Variants in GFI1B observed in about 807,000 individuals in gnomAD.
GFI1B encodes growth factor independent 1B transcriptional repressor.
A neutral mutation model predicts 35.3 loss-of-function variants in GFI1B; 20 were observed. That is an observed-to-expected ratio of 0.57 (90% confidence interval 0.40 to 0.82). GFI1B has a LOEUF of 0.82. GFI1B is among the 40% of genes least tolerant of loss of function. GFI1B has a pLI of 0.00. For missense variants in GFI1B, 430 were observed against 446.3 expected (o/e 0.96, Z 0.33); for synonymous variants, 178 against 177.6 (o/e 1.00, Z -0.02).
At chr9:132,979,096 C>T (rs572172986) in intron 1 of GFI1B, among the ~76,000 whole-genome samples, 1 of 152,174 alleles carries the variant, frequency 6.6e-6, no homozygotes, top group Non-Finnish European at 1.5e-5. Context: ...GGCTGACAGA[C>T]GTCACCTTCG....
At chr9:132,957,398 A>T (rs541299131) in intron 1 of GFI1B, among the ~76,000 whole-genome samples, 1 of 152,366 alleles carries the variant, frequency 6.6e-6, no homozygotes, top group East Asian at 1.9e-4. Flanking sequence ...TATTGTTCTA[A>T]GCACTCTACA....
upstream of GFI1B, among the ~76,000 whole-genome samples, chr9:132,976,184 G>A (rs562830408): frequency 1.0e-3 from 158 of 152,142 alleles, no homozygotes; most frequent in Non-Finnish European, 1.2e-3. Context: ...TGGAGGAAGC[G>A]TTTGGTGAGA....
chr9:132,976,308 G>A (rs890048554), upstream of GFI1B, among the ~76,000 whole-genome samples: 12 of 152,162 alleles, frequency 7.9e-5, no homozygotes, highest in African/African-American at 2.7e-4. Flanking sequence ...AAAATGACAC[G>A]CTGGTTTACA....
chr9:132,984,818 G>A (rs1234558419), intron 1 of GFI1B, among the ~76,000 whole-genome samples: 1 of 152,144 alleles, frequency 6.6e-6, no homozygotes, highest in African/African-American at 2.4e-5. Context: ...CCAGGCTCTG[G>A]GCCAGGGGGA....
At chr9:132,973,456 G>A (rs1328309852) in intron 2 of GFI1B, among the ~76,000 whole-genome samples, 1 of 152,238 alleles carries the variant, frequency 6.6e-6, no homozygotes, top group Non-Finnish European at 1.5e-5. Context: ...CACAGACAGA[G>A]GACCCCATGA....
At chr9:132,986,846 G>A in intron 2 of GFI1B, 68 bp downstream of exon 2, 3 of 938,356 alleles carry the variant, frequency 3.2e-6, no homozygotes, top group Admixed American at 2.0e-5. Context: ...TGATGAGGGT[G>A]CAGCAGCGTC....
At position 132,985,055 on chromosome 9, in the gene GFI1B, C is replaced by T. The variant is rs80013812; in HGVS notation, c.-20-1604C>T. Among the ~76,000 whole-genome samples the T allele has an allele frequency of 2.1e-3, 290 of 141,320 alleles. 1 individual carries two copies. Among genetic ancestry groups the T allele is most frequent in the African/African-American group, 6.5e-3 (258 of 39,802 alleles). 92.7% of individuals were successfully genotyped at this position (141,320 alleles called of 152,430 possible). ...CTATCACCCCTGCAGCCTTGCATGG[C>T]GGCTGGCCCAAGGGGTGGGGGGGTG... is the stretch of plus-strand genomic sequence containing the variant. On this transcript the variant is annotated intron_variant, in intron 1 of 6. Coordinates refer to ENST00000372122, the MANE Select transcript of GFI1B (RefSeq NM_001377304.1).
At chr9:132,963,042 A>C (rs1267287617) in intron 1 of GFI1B, among the ~76,000 whole-genome samples, 2 of 140,036 alleles carry the variant, frequency 1.4e-5, no homozygotes, top group Non-Finnish European at 3.0e-5. Flanking sequence ...ATATGGCGCC[A>C]CTGCGCTCCA....
At chr9:132,974,685 G>A (rs1165633467), upstream of GFI1B, among the ~76,000 whole-genome samples, 1 of 151,678 alleles carries the variant, frequency 6.6e-6, no homozygotes, top group African/African-American at 2.4e-5. Flanking sequence ...GGTGGGTGAA[G>A]GAATAGAAAG....
rs151296596 is a variant in GFI1B, at chr9:132,989,223, C to T, written c.648+25C>T. ...GGTGGGCACCTGGCCCAGCGCAGGA[C>T]TCCCAGCCCCACTCCTTCTCTGTGC... On this transcript the variant is annotated intron_variant, in intron 5 of 6. Transcript: ENST00000372122. The surrounding 1 kb of genome is among the most constrained non-coding windows in gnomAD (Gnocchi z 6.2). The T allele has an allele frequency of 4.6e-4, 730 of 1,603,086 alleles. 7 individuals carry two copies. The East Asian group carries it at 0.015, about 32-fold the overall frequency.
At chr9:132,952,781 AGACTTTTGTCTAT>A (rs2132584769) in intron 1 of GFI1B, 1 of 152,348 alleles carries the variant, frequency 6.6e-6, no homozygotes, top group Admixed American at 6.5e-5. Flanking sequence ...GTTTGCTCTA[AGACTTTTGTCTAT>A]GACTTTTACC....
chr9:132,974,583 C>T (rs1383395456), upstream of GFI1B, among the ~76,000 whole-genome samples: 1 of 110,966 alleles, frequency 9.0e-6, no homozygotes, highest in Non-Finnish European at 1.7e-5. Context: ...GCCTAGGCGA[C>T]AGAGCCAGAA....
intron 1 of GFI1B, among the ~76,000 whole-genome samples, chr9:132,948,169 T>A (rs189336007): frequency 4.0e-5 from 6 of 151,734 alleles, no homozygotes; most frequent in African/African-American, 9.7e-5. Context: ...ACTAGAGTGC[T>A]CCTCTGGGTC....
Position 132,991,158 on chromosome 9 carries a change from G to T in GFI1B, c.*108G>T, listed in dbSNP as rs1278082706. 2 of 983,890 alleles carry T rather than the reference G, an allele frequency of 2.0e-6. No homozygotes were observed. Among genetic ancestry groups the T allele is most frequent in the Non-Finnish European group, 3.1e-6 (2 of 639,270 alleles). 60.9% of individuals were successfully genotyped at this position (983,890 alleles called of 1,614,324 possible). A position where few individuals can be genotyped will look rare whatever the true frequency, so the allele number is the denominator to read the frequency against. ...GTCTCCTGGAGGTGGGACTGGACAG[G>T]AGTCTACCAGCTTGTTTTGAGACTC... On this transcript the variant is annotated 3_prime_UTR_variant, in exon 7 of 7. Transcript: ENST00000372122.
intron 1 of GFI1B, among the ~76,000 whole-genome samples, chr9:132,966,968 T>G (rs1282178447): frequency 6.6e-6 from 1 of 152,206 alleles, no homozygotes; most frequent in Non-Finnish European, 1.5e-5. Flanking sequence ...GTGCTAGGGT[T>G]TAGATGTCCT....
chr9:132,949,451 A>C (rs1848169336), intron 1 of GFI1B, among the ~76,000 whole-genome samples: 1 of 152,002 alleles, frequency 6.6e-6, no homozygotes, highest in Admixed American at 6.6e-5. Flanking sequence ...GAACCGAGAG[A>C]CCCCAAGACT....
At chr9:132,946,717 T>C (rs1848112394) in intron 1 of GFI1B, 1 of 152,312 alleles carries the variant, frequency 6.6e-6, no homozygotes, top group Non-Finnish European at 1.5e-5. Flanking sequence ...GGAGCAGCAC[T>C]GCTCTGGAGC....
chr9:132,989,794 C>T lies in GFI1B; in HGVS notation c.701C>T (p.Thr234Met), dbSNP rs1554724654. The T allele has an allele frequency of 6.2e-7, 1 of 1,613,986 alleles. No homozygotes were observed. ...MCGKAFKRSS[T>M]LSTHLLIHSD... ...GGCAAGGCCTTCAAGCGCTCGTCCA[C>T]GCTGTCCACCCACCTGCTCATCCAC... is the stretch of plus-strand genomic sequence containing the variant. The change falls in exon 6 of 7, where the codon ACG (threonine) becomes ATG (methionine). Residue 234 changes from threonine (T) to methionine (M), a missense_variant. Coordinates refer to ENST00000372122, the MANE Select transcript of GFI1B (RefSeq NM_001377304.1). This position sits in a 1 kb window ranked among gnomAD's most constrained non-coding sequence, Gnocchi z 6.2.
upstream of GFI1B, among the ~76,000 whole-genome samples, chr9:132,976,182 G>A (rs971669103): frequency 2.0e-4 from 31 of 152,152 alleles, no homozygotes; most frequent in African/African-American, 7.0e-4. Flanking sequence ...AGTGGAGGAA[G>A]CGTTTGGTGA....
Sources: allele counts gnomAD v4.1 joint callset (sites outside exome capture counted in the v4.1 genomes callset), GRCh38; gene constraint gnomAD v4.1.1; non-coding constraint Gnocchi (gnomAD v3.1); transcripts MANE v1.5; gene names NCBI Gene and HGNC (gene_info 2026-07-23, HGNC 2026-07-21).